The following ANKRD36C variants were observed in gnomAD, a reference collection of about 807,000 sequenced individuals.
The protein encoded by ANKRD36C is ankyrin repeat domain-containing protein 36C.
In ANKRD36C, 61 loss-of-function variants were observed where a neutral mutation model predicts 276.4. The ratio of observed to expected loss-of-function variants is 0.22; its 90% CI spans 0.18 to 0.27. The LOEUF is 0.27. ANKRD36C is among the 10% of genes least tolerant of loss of function. ANKRD36C has a pLI of 1.00. For missense variants in ANKRD36C, 1,447 were observed against 2,032.3 expected (o/e 0.71, Z 5.54); for synonymous variants, 483 against 680.1 (o/e 0.71, Z 4.51).
exon 1 of ANKRD36C, chr2:95,991,727 G>A: frequency 1.2e-6 from 2 of 1,609,300 alleles, no homozygotes. Context: ...GCTGCAAATT[G>A]TAGCCTGCAG....
At chr2:95,936,123 C>T (rs1410476330) in intron 22 of ANKRD36C, among the ~76,000 whole-genome samples, 1 of 152,392 alleles carries the variant, frequency 6.6e-6, no homozygotes, top group African/African-American at 2.4e-5. Context: ...AGCCCTCCTG[C>T]CATCTCTTCA....
chr2:95,917,670 C>G (rs1316433162), intron 36 of ANKRD36C, among the ~76,000 whole-genome samples, 185 bp downstream of exon 38: 2 of 151,580 alleles, frequency 1.3e-5, no homozygotes, highest in African/African-American at 4.8e-5. Context: ...GCAAAGATCA[C>G]GTTCCAAGCC....
chr2:95,954,415 G>A (rs571978817), intron 13 of ANKRD36C, among the ~76,000 whole-genome samples: 24 of 152,150 alleles, frequency 1.6e-4, no homozygotes, highest in Non-Finnish European at 1.9e-4. Context: ...CCTAAAACAA[G>A]GTAGAAAAGG....
chr2:95,991,794 G>A (rs535721784), upstream of ANKRD36C: 52 of 1,325,926 alleles, frequency 3.9e-5, no homozygotes, highest in South Asian at 5.9e-4. Context: ...AACAGGCAAA[G>A]CAGTCTGTCC....
At chr2:95,890,080 T>C in intron 46 of ANKRD36C, 86 bp from the exon 67 acceptor site, 1 of 1,498,016 alleles carries the variant, frequency 6.7e-7, no homozygotes, top group Non-Finnish European at 9.2e-7. Context: ...CATCAATCTC[T>C]GTCCTCCTGC....
chr2:95,950,085 A>G (rs1678159143), intron 16 of ANKRD36C, among the ~76,000 whole-genome samples: 1 of 152,256 alleles, frequency 6.6e-6, no homozygotes, highest in Non-Finnish European at 1.5e-5. Context: ...GGAGAAATGA[A>G]TTAGAAATAT....
intron 59 of ANKRD36C, among the ~76,000 whole-genome samples, chr2:95,875,060 C>A (rs1290090079): frequency 6.6e-6 from 1 of 152,120 alleles, no homozygotes; most frequent in Non-Finnish European, 1.5e-5. Context: ...GGAGAAATAG[C>A]AACACTTTTA....
At chr2:95,916,223 ATCC>A in intron 36 of ANKRD36C, 52 bp from the exon 39 acceptor site, 1 of 1,598,716 alleles carries the variant, frequency 6.3e-7, no homozygotes, top group Non-Finnish European at 8.5e-7. Flanking sequence ...TGATAAAGTT[ATCC>A]ATACATTCAC....
chr2:95,880,180 C>T (rs1474760145), intron 58 of ANKRD36C, among the ~76,000 whole-genome samples: 1 of 150,310 alleles, frequency 6.7e-6, no homozygotes. Flanking sequence ...AGCTCTGTCT[C>T]CAAAAACAAA....
At chr2:95,983,171 C>T (rs569915117) in intron 3 of ANKRD36C, among the ~76,000 whole-genome samples, 1 of 151,140 alleles carries the variant, frequency 6.6e-6, no homozygotes, top group Non-Finnish European at 1.5e-5. Flanking sequence ...GATTCTGACA[C>T]GATTGACAGT....
At chr2:95,891,182 C>G (rs1388513017) in intron 46 of ANKRD36C, among the ~76,000 whole-genome samples, 1 of 151,418 alleles carries the variant, frequency 6.6e-6, no homozygotes, top group African/African-American at 2.4e-5. Context: ...AAGAATTCCT[C>G]TTTTTCCACC....
chr2:95,947,570 CTT>C (rs1415230794), intron 17 of ANKRD36C, among the ~76,000 whole-genome samples: 1 of 152,050 alleles, frequency 6.6e-6, no homozygotes, highest in East Asian at 1.9e-4. Flanking sequence ...AAATTTGAAA[CTT>C]AGAATGAGAT....
rs1027271341 is a variant in ANKRD36C, at chr2:95,976,915, G to A, written c.799+1207C>T. 2.0e-4 allele frequency among the ~76,000 whole-genome samples: 31 copies of A among 151,890 alleles called. 1 individual carries two copies. The highest frequency in any genetic ancestry group is 7.0e-4 in the African/African-American group (29 of 41,272). On this transcript the variant is annotated intron_variant, in intron 6 of 66. Transcript: ENST00000456556. ...CCTCTCCTACTTTTCTCTAGCCACT[G>A]CTCATTCTCCTTCACCAACTCTTTT...
chr2:95,970,819 A>G (rs984063701), intron 6 of ANKRD36C, among the ~76,000 whole-genome samples: 1 of 152,204 alleles, frequency 6.6e-6, no homozygotes, highest in African/African-American at 2.4e-5. Flanking sequence ...TTTATAAAGT[A>G]CAACCTCTTG....
In ANKRD36C at chr2:95,917,849, A is replaced by G; in HGVS notation, c.2347+6T>C. 1 of 1,593,660 alleles carries G rather than the reference A, an allele frequency of 6.3e-7. No individual in the cohort carries two copies. The highest frequency in any genetic ancestry group is 8.6e-7 in the Non-Finnish European group (1 of 1,169,242). ...ACGTGACATTAAATGTCTTTTGCAAAATTACCTGTCCCAGATTTTTCTCCG... is the reference window on the plus strand; with the variant it reads ...ACGTGACATTAAATGTCTTTTGCAAGATTACCTGTCCCAGATTTTTCTCCG... On this transcript the variant is annotated splice_donor_region_variant and intron_variant, in intron 36 of 66. Coordinates refer to ENST00000456556, the Ensembl canonical transcript of ANKRD36C.
At chr2:95,870,838 A>C (rs1196050828) in intron 59 of ANKRD36C, among the ~76,000 whole-genome samples, 2 of 152,250 alleles carry the variant, frequency 1.3e-5, no homozygotes, top group Non-Finnish European at 2.9e-5. Context: ...GATGAAGCTG[A>C]AAGCCGAGGC....
chr2:95,915,264 A>G (rs1426747604), intron 38 of ANKRD36C, among the ~76,000 whole-genome samples: 1 of 151,598 alleles, frequency 6.6e-6, no homozygotes, highest in Non-Finnish European at 1.5e-5. Flanking sequence ...ATTTAAGTTT[A>G]TCTCATTTCT....
chr2:95,958,699 A>G (rs367661808), intron 11 of ANKRD36C, 36 bp from the exon 12 acceptor site: 1 of 1,542,042 alleles, frequency 6.5e-7, no homozygotes, highest in Non-Finnish European at 8.7e-7. Flanking sequence ...TCAATACCTA[A>G]AGTATATTTC....
At chr2:95,879,510 GGTGTCATT>G (rs1676028523) in intron 58 of ANKRD36C, among the ~76,000 whole-genome samples, 1 of 151,012 alleles carries the variant, frequency 6.6e-6, no homozygotes, top group East Asian at 1.9e-4. Context: ...CATTAACCAT[GGTGTCATT>G]ATTACACATT....
Sources: allele counts gnomAD v4.1 joint callset (sites outside exome capture counted in the v4.1 genomes callset), GRCh38; gene constraint gnomAD v4.1.1; transcripts MANE v1.5; gene names NCBI Gene and HGNC (gene_info 2026-07-23, HGNC 2026-07-21).